Variants in PCDH15 observed in about 807,000 individuals in gnomAD.
PCDH15 encodes the protein protocadherin related 15.
PCDH15 carries 129 observed loss-of-function variants against 178.5 expected under a neutral mutation model. The observed-to-expected ratio is 0.72, with a 90% CI of 0.63 to 0.84. PCDH15 has a LOEUF of 0.84. Ranked by LOEUF, PCDH15 falls within the 40% of genes least tolerant of loss-of-function variation. PCDH15 has a pLI of 0.00. For missense variants in PCDH15, 2,230 were observed against 2,099.9 expected, an observed-to-expected ratio of 1.06 and a Z score of -1.21; for synonymous variants, 800 against 732.0, an observed-to-expected ratio of 1.09 and a Z score of -1.50.
chr10:54,185,977 G>C (rs2133824048), intron 11 of PCDH15, among the ~76,000 whole-genome samples: 1 of 152,146 alleles, frequency 6.6e-6, no homozygotes, highest in Middle Eastern at 3.4e-3. Context: ...AAGTCTGAGA[G>C]ACAATCAACT....
chr10:53,851,126 C>A (rs1259591830), intron 28 of PCDH15, among the ~76,000 whole-genome samples: 1 of 152,098 alleles, frequency 6.6e-6, no homozygotes, highest in Non-Finnish European at 1.5e-5. Context: ...CTTCCTCTCT[C>A]ATAGTCAAAC....
At chr10:54,980,886 T>C (rs919334122) in intron 2 of PCDH15, among the ~76,000 whole-genome samples, 1 of 151,944 alleles carries the variant, frequency 6.6e-6, no homozygotes, top group Non-Finnish European at 1.5e-5. Flanking sequence ...TAGAAATGAG[T>C]GAAAAAATCT....
rs575364321 is a variant in PCDH15 at position 54,430,894 on chromosome 10, C to T, written c.158-51952G>A. ...AGCTCACTTAGCAAAAAGGAGAAGA[C>T]CCAAATAAATAAAAGTGGAGATGAA... On this transcript the variant is annotated intron_variant, in intron 3 of 37. Transcript: ENST00000644397. Among the ~76,000 whole-genome samples the T allele has an allele frequency of 1.8e-4, 28 of 151,864 alleles. 2 individuals are homozygous for T. In the South Asian group the frequency reaches 5.8e-3, roughly 32 times the overall value.
In PCDH15 at chr10:54,255,652, C is replaced by T. The variant is rs535602937; in HGVS notation, c.877-18721G>A. On this transcript the variant is annotated intron_variant, in intron 8 of 37. Coordinates refer to ENST00000644397, the MANE Select transcript of PCDH15 (RefSeq NM_001384140.1). ...TGAACTTATCTAACTGGTAGCCATA[C>T]ACAGCAATAAATAGGCTGGCAATTA... Among the ~76,000 whole-genome samples the T allele has an allele frequency of 3.0e-4, 45 of 152,178 alleles. No homozygotes were observed. In the South Asian group the frequency reaches 9.1e-3, roughly 31 times the overall value.
At chr10:55,426,143 A>G (rs1193732635) in intron 2 of PCDH15, among the ~76,000 whole-genome samples, 1 of 152,168 alleles carries the variant, frequency 6.6e-6, no homozygotes, top group East Asian at 1.9e-4. Context: ...GCTATAATTA[A>G]ATGCATTATG....
intron 14 of PCDH15, among the ~76,000 whole-genome samples, chr10:54,144,430 AG>A (rs140057326): frequency 0.015 from 2,341 of 152,306 alleles, 74 homozygotes; most frequent in African/African-American, 0.054. Context: ...AAAGTATTAA[AG>A]AAATGAAACG....
At chr10:55,526,639 T>C (rs1229128598) in intron 2 of PCDH15, among the ~76,000 whole-genome samples, 3 of 152,090 alleles carry the variant, frequency 2.0e-5, no homozygotes, top group Non-Finnish European at 4.4e-5. Flanking sequence ...TGCACCACTC[T>C]GCTATTGATT....
intron 3 of PCDH15, among the ~76,000 whole-genome samples, chr10:54,855,839 T>C (rs540064512): frequency 6.7e-4 from 102 of 152,290 alleles, no homozygotes; most frequent in African/African-American, 2.3e-3. Context: ...CTTTTCACAC[T>C]TGTCAATAGC....
chr10:55,183,251 T>C (rs1269809594), intron 1 of PCDH15, among the ~76,000 whole-genome samples: 1 of 151,976 alleles, frequency 6.6e-6, no homozygotes, highest in African/African-American at 2.4e-5. Flanking sequence ...AGAAATATTG[T>C]CAAGTGTTTT....
At chr10:55,509,752 T>A (rs878893718) in intron 2 of PCDH15, among the ~76,000 whole-genome samples, 2 of 151,874 alleles carry the variant, frequency 1.3e-5, no homozygotes, top group Admixed American at 1.3e-4. Flanking sequence ...ACATTTAATT[T>A]TAAACTTGCA....
chr10:54,290,460 A>G (rs2059326184), intron 8 of PCDH15, among the ~76,000 whole-genome samples: 1 of 152,258 alleles, frequency 6.6e-6, no homozygotes, highest in South Asian at 2.1e-4. Context: ...TGTAAAGACC[A>G]TGGATGCTAT....
chr10:55,077,710 C>T (rs1841941705), intron 2 of PCDH15, among the ~76,000 whole-genome samples: 1 of 152,004 alleles, frequency 6.6e-6, no homozygotes, highest in Non-Finnish European at 1.5e-5. Flanking sequence ...CCACACCTGG[C>T]TACTTTTTGT....
At chr10:54,283,661 A>G (rs1187093660) in intron 8 of PCDH15, among the ~76,000 whole-genome samples, 1 of 152,118 alleles carries the variant, frequency 6.6e-6, no homozygotes, top group Non-Finnish European at 1.5e-5. Context: ...AACAAAAAAC[A>G]TCCTGAATAC....
rs150643573 is a variant in PCDH15, at chr10:54,790,692, A to G, written c.-29+10233T>C. ...CATGAAAAATAATAAACACTGAACA[A>G]TTACACGTGAAGATATATATGTTTC... On this transcript the variant is annotated intron_variant, in intron 1 of 37. Coordinates refer to ENST00000644397, the MANE Select transcript of PCDH15 (RefSeq NM_001384140.1). 8.0e-4 allele frequency among the ~76,000 whole-genome samples: 121 copies of G among 152,000 alleles called. 1 individual carries two copies. In the East Asian group the frequency reaches 0.023, roughly 29 times the overall value.
At chr10:55,091,817 T>C (rs1842325172) in intron 2 of PCDH15, among the ~76,000 whole-genome samples, 1 of 151,878 alleles carries the variant, frequency 6.6e-6, no homozygotes, top group African/African-American at 2.4e-5. Flanking sequence ...TAAGGACTCC[T>C]GTAATTTTGA....
chr10:54,122,535 A>G (rs937386984), intron 15 of PCDH15, among the ~76,000 whole-genome samples: 2 of 151,780 alleles, frequency 1.3e-5, no homozygotes, highest in African/African-American at 2.4e-5. Flanking sequence ...TTTTTTTTTC[A>G]TATATTTGCT....
intron 2 of PCDH15, among the ~76,000 whole-genome samples, chr10:54,580,935 A>C (rs573706043): frequency 6.6e-6 from 1 of 152,116 alleles, no homozygotes. Context: ...AAAATGAGTC[A>C]CCAAAGGAAC....
intron 2 of PCDH15, among the ~76,000 whole-genome samples, chr10:55,125,163 T>TTGTGTGTGTGTGTG (rs34423359): frequency 0.028 from 4,073 of 143,006 alleles, 118 homozygotes; most frequent in African/African-American, 0.064. Context: ...TTTTTTTTAA[T>TTGTGTGTGTGTGTG]TGTGTGTGTG....
At chr10:54,513,649 A>C (rs770050943) in intron 3 of PCDH15, among the ~76,000 whole-genome samples, 1 of 152,212 alleles carries the variant, frequency 6.6e-6, no homozygotes, top group Non-Finnish European at 1.5e-5. Context: ...AATTTTGATT[A>C]AAGATTAATT....
Sources: allele counts gnomAD v4.1 joint callset (sites outside exome capture counted in the v4.1 genomes callset), GRCh38; gene constraint gnomAD v4.1.1; transcripts MANE v1.5; gene names NCBI Gene and HGNC (gene_info 2026-07-23, HGNC 2026-07-21).